Variants in BCAR3 observed in about 807,000 individuals in gnomAD.
BCAR3 encodes breast cancer anti-estrogen resistance protein 3.
A neutral mutation model predicts 80.1 loss-of-function variants in BCAR3; 37 were observed. The ratio of observed to expected loss-of-function variants is 0.46; its 90% CI spans 0.36 to 0.61. The LOEUF is 0.61. Ranked by LOEUF, BCAR3 falls within the 20% of genes least tolerant of loss-of-function variation. The pLI is 0.00. For synonymous variants in BCAR3, 389 were observed against 418.9 expected (o/e 0.93, Z 0.87); for missense variants, 978 against 1,068.2 (o/e 0.92, Z 1.18).
chr1:93,802,543 A>C, intron 2 of BCAR3, among the ~76,000 whole-genome samples: 1 of 152,212 alleles, frequency 6.6e-6, no homozygotes, highest in African/African-American at 2.4e-5. Context: ...TGGTCCAGGG[A>C]GTATGGGCCA....
chr1:93,598,589 C>T (rs1488118852), intron 3 of BCAR3, among the ~76,000 whole-genome samples: 1 of 152,206 alleles, frequency 6.6e-6, no homozygotes, highest in Admixed American at 6.5e-5. Context: ...AAGGAAGGCA[C>T]AGTCTCCTTG....
intron 2 of BCAR3, among the ~76,000 whole-genome samples, chr1:93,748,809 G>A (rs961522152): frequency 1.3e-5 from 2 of 152,104 alleles, no homozygotes; most frequent in African/African-American, 4.8e-5. Flanking sequence ...AACCTGGCTT[G>A]TTCATTGTGG....
intron 2 of BCAR3, among the ~76,000 whole-genome samples, chr1:93,800,803 G>T (rs911683117): frequency 6.6e-6 from 1 of 152,086 alleles, no homozygotes; most frequent in African/African-American, 2.4e-5. Context: ...AGATGTATCG[G>T]TGTAGAAGGC....
intron 2 of BCAR3, among the ~76,000 whole-genome samples, chr1:93,758,997 T>C (rs1469346082): frequency 6.6e-6 from 1 of 152,138 alleles, no homozygotes; most frequent in East Asian, 1.9e-4. Flanking sequence ...AGTGTATAAC[T>C]CTTAGCACCC....
chr1:93,800,457 T>C (rs943064715), intron 2 of BCAR3, among the ~76,000 whole-genome samples: 2 of 152,056 alleles, frequency 1.3e-5, no homozygotes, highest in African/African-American at 4.8e-5. Context: ...GCACCTGTAA[T>C]CCCAGCTAGT....
chr1:93,658,108 T>G (rs1320011930), intron 2 of BCAR3, among the ~76,000 whole-genome samples: 1 of 152,020 alleles, frequency 6.6e-6, no homozygotes, highest in African/African-American at 2.4e-5. Flanking sequence ...GCCCAGCTAA[T>G]TTTTGTATTT....
chr1:93,739,042 C>T (rs1234120437), intron 2 of BCAR3, among the ~76,000 whole-genome samples: 2 of 152,150 alleles, frequency 1.3e-5, no homozygotes, highest in Admixed American at 6.5e-5. Flanking sequence ...CCTGGAATTC[C>T]CACCTTGACT....
At chr1:93,679,432 T>C (rs571479562) in intron 1 of BCAR3, among the ~76,000 whole-genome samples, 2 of 152,236 alleles carry the variant, frequency 1.3e-5, no homozygotes, top group African/African-American at 2.4e-5. Context: ...AAGTAGGACA[T>C]GGACACGGAC....
At chr1:93,571,532 C>T (rs1028095932) in intron 9 of BCAR3, 138 bp downstream of exon 9, 12 of 1,115,410 alleles carry the variant, frequency 1.1e-5, no homozygotes, top group Non-Finnish European at 1.6e-5. Flanking sequence ...ATACTTAGGA[C>T]ACTGTCCCCT....
chr1:93,573,260 G>T (rs543046515), intron 8 of BCAR3, among the ~76,000 whole-genome samples: 3 of 152,232 alleles, frequency 2.0e-5, no homozygotes, highest in Non-Finnish European at 4.4e-5. Context: ...AGCCAGGCAT[G>T]GTGGCACATG....
intron 3 of BCAR3, among the ~76,000 whole-genome samples, chr1:93,692,371 G>A (rs1649224663): frequency 6.6e-6 from 1 of 152,136 alleles, no homozygotes; most frequent in Non-Finnish European, 1.5e-5. Context: ...GTTTCCAAAT[G>A]GTAAGAATAA....
chr1:93,591,168 TAAA>T (rs35143036), intron 4 of BCAR3, among the ~76,000 whole-genome samples: 5 of 66,340 alleles, frequency 7.5e-5, no homozygotes, highest in African/African-American at 2.5e-4. Context: ...TCTACTACAT[TAAA>T]AAAAAAAAAA....
At chr1:93,827,698 AGAGG>A (rs1326835762) in intron 2 of BCAR3, among the ~76,000 whole-genome samples, 1 of 151,860 alleles carries the variant, frequency 6.6e-6, no homozygotes, top group African/African-American at 2.4e-5. Flanking sequence ...CTAAAAGGAA[AGAGG>A]GAGGGAGGGA....
chr1:93,759,845 A>G (rs372210344), intron 2 of BCAR3, among the ~76,000 whole-genome samples: 14 of 152,236 alleles, frequency 9.2e-5, no homozygotes, highest in East Asian at 3.9e-4. Flanking sequence ...TTTAGGTCCC[A>G]CTGTCTACCA....
chr1:93,689,931 A>G (rs1361076604), intron 3 of BCAR3, among the ~76,000 whole-genome samples: 6 of 152,258 alleles, frequency 3.9e-5, no homozygotes, highest in African/African-American at 1.4e-4. Context: ...CTCTGAGAGC[A>G]AAGTCAGCCT....
At position 93,562,358 on chromosome 1, in the gene BCAR3, T is replaced by C. The variant is rs371840059; in HGVS notation, c.2361A>G (p.Leu787=). 1.5e-5 allele frequency: 24 copies of C among 1,614,068 alleles called. No homozygotes were observed. In the African/African-American group the frequency reaches 2.3e-4, roughly 15 times the overall value. The change falls in exon 12 of 12, where the codon CTA becomes CTG. Residue 787 remains leucine, a synonymous_variant. Transcript: ENST00000260502. ...ICKTEFQMRL[L]WGSKGAQVNQ... ...TGACTTGTGCACCTTTGCTGCCCCA[T>C]AGCAATCGCATTTGAAATTCAGTCT...
At chr1:93,628,043 G>A (rs1427344076) in intron 3 of BCAR3, among the ~76,000 whole-genome samples, 1 of 152,126 alleles carries the variant, frequency 6.6e-6, no homozygotes, top group East Asian at 1.9e-4. Flanking sequence ...TTGCCAAGAA[G>A]TTTTATTTTG....
intron 3 of BCAR3, chr1:93,614,011 CACCACAGCAGCTGT>C: frequency 2.0e-6 from 3 of 1,528,530 alleles, no homozygotes; most frequent in Non-Finnish European, 2.6e-6. Context: ...AGCCCTAGCC[CACCACAGCAGCTGT>C]GCTGTTTCTG....
chr1:93,842,093 A>C (rs1654983176), intron 2 of BCAR3, among the ~76,000 whole-genome samples: 2 of 149,458 alleles, frequency 1.3e-5, no homozygotes. Flanking sequence ...CCACACCTGC[A>C]CCTCACTTAA....
Sources: allele counts gnomAD v4.1 joint callset (sites outside exome capture counted in the v4.1 genomes callset), GRCh38; gene constraint gnomAD v4.1.1; transcripts MANE v1.5; gene names NCBI Gene and HGNC (gene_info 2026-07-23, HGNC 2026-07-21).